The following NMT2 variants were observed in gnomAD, a reference collection of about 807,000 sequenced individuals.
NMT2 encodes glycylpeptide N-tetradecanoyltransferase 2.
In NMT2, 35 loss-of-function variants were observed where a neutral mutation model predicts 65.4. The observed-to-expected ratio is 0.54, with a 90% CI of 0.41 to 0.71. The LOEUF (loss-of-function observed/expected upper bound fraction) is 0.71. NMT2 is among the 30% of genes least tolerant of loss of function. NMT2 has a pLI of 0.00. For missense variants in NMT2, 489 were observed against 611.3 expected (o/e 0.80, Z 2.11); for synonymous variants, 226 against 231.8 (o/e 0.98, Z 0.23).
rs2400118 is a variant in NMT2, at chr10:15,106,149, A to G, written c.*3046T>C. ...GCTGGGATTACAGGTGCACACCCCC[A>G]TGTCCGGCTAGTTTTTGTAATTTTA... On this transcript the variant is annotated 3_prime_UTR_variant, in exon 12 of 12. Transcript: ENST00000378165. 85,245 of 246,718 alleles carry G rather than the reference A, an allele frequency of 0.35. 19,802 individuals are homozygous for G. Among genetic ancestry groups the G allele is most frequent in the African/African-American group, 0.78 (32,654 of 42,082 alleles). 15.3% of individuals were successfully genotyped at this position (246,718 alleles called of 1,614,324 possible).
chr10:15,148,292 T>C (rs978809158), intron 1 of NMT2, among the ~76,000 whole-genome samples: 19 of 152,186 alleles, frequency 1.2e-4, no homozygotes, highest in Non-Finnish European at 2.6e-4. Flanking sequence ...GGAGGGCTGC[T>C]TGAGTCCAGG....
chr10:15,153,816 A>AT (rs368089996), intron 1 of NMT2, among the ~76,000 whole-genome samples: 7,263 of 148,618 alleles, frequency 0.049, 267 homozygotes, highest in Non-Finnish European at 0.057. Context: ...CGCCCGGCTA[A>AT]TTTTTTTTTT....
At chr10:15,147,095 C>CAAAAAAAAAAAAAAAAAAAA (rs34668178) in intron 1 of NMT2, among the ~76,000 whole-genome samples, 5 of 44,516 alleles carry the variant, frequency 1.1e-4, no homozygotes, top group African/African-American at 2.2e-4. Flanking sequence ...CTCTCGCTCT[C>CAAAAAAAAAAAAAAAAAAAA]AAAAAAAAAA....
At chr10:15,130,120 G>A in intron 7 of NMT2, 22 bp downstream of exon 7, 1 of 1,434,584 alleles carries the variant, frequency 7.0e-7, no homozygotes, top group Non-Finnish European at 9.2e-7. Flanking sequence ...GAGGACCTGA[G>A]GTAGAAATAT....
chr10:15,130,372 C>A (rs1846236640), intron 6 of NMT2, 60 bp from the exon 7 acceptor site: 2 of 1,249,794 alleles, frequency 1.6e-6, no homozygotes, highest in Admixed American at 2.6e-5. Context: ...GAAGAGTCAA[C>A]ACATTTTAAA....
At chr10:15,135,228 C>T (rs1564574073) in intron 3 of NMT2, 46 bp downstream of exon 3, 1 of 1,583,482 alleles carries the variant, frequency 6.3e-7, no homozygotes, top group Non-Finnish European at 8.7e-7. Context: ...TGTTGTTCAT[C>T]CAGCTTTGTT....
Position 15,156,439 on chromosome 10 carries a change from C to A in NMT2, c.110+12064G>T, listed in dbSNP as rs965413224. Among the ~76,000 whole-genome samples the A allele has an allele frequency of 7.9e-5, 12 of 152,256 alleles. No homozygotes were observed. The South Asian group carries it at 1.0e-3, about 13-fold the overall frequency. ...ATTAAACCTCTTCCTTTAAAAATTA[C>A]CCGGTCTAACGTACATCCTTATAGC... On this transcript the variant is annotated intron_variant, in intron 1 of 11. Coordinates refer to ENST00000378165, the MANE Select transcript of NMT2 (RefSeq NM_004808.3).
intron 1 of NMT2, among the ~76,000 whole-genome samples, chr10:15,163,013 T>A (rs1833254364): frequency 2.6e-5 from 4 of 152,000 alleles, no homozygotes; most frequent in African/African-American, 4.8e-5. Context: ...CTCTCTGGGC[T>A]GAAGCAATTC....
intron 8 of NMT2, among the ~76,000 whole-genome samples, chr10:15,125,406 C>G (rs969635175): frequency 6.6e-5 from 10 of 152,120 alleles, no homozygotes; most frequent in Admixed American, 6.6e-4. Flanking sequence ...TGAATGGAGT[C>G]AAGTCAAAAA....
intron 10 of NMT2, among the ~76,000 whole-genome samples, chr10:15,111,509 C>CAAAAAAAAAAAAAAAAA (rs58537120): frequency 5.7e-5 from 3 of 52,808 alleles, no homozygotes; most frequent in Admixed American, 2.2e-4. Flanking sequence ...AGACTCATCT[C>CAAAAAAAAAAAAAAAAA]AAAAAAAAAA....
chr10:15,154,881 A>G (rs1232813457), intron 1 of NMT2: 2 of 833,084 alleles, frequency 2.4e-6, no homozygotes, highest in African/African-American at 1.7e-5. Flanking sequence ...GGCCTCCACA[A>G]TCTTGATGCC....
At position 15,141,477 on chromosome 10, in the gene NMT2, G is replaced by T. The variant is rs144521863; in HGVS notation, c.191C>A (p.Thr64Asn). 1 of 1,614,222 alleles carries T rather than the reference G, an allele frequency of 6.2e-7. No homozygotes were observed. The highest frequency in any genetic ancestry group is 8.5e-7 in the Non-Finnish European group (1 of 1,180,048). The change falls in exon 2 of 12, where the codon ACC becomes AAC. Residue 64 changes from threonine (T) to asparagine (N), a missense_variant. Thr to Asn is a moderately conservative substitution (Grantham distance 65). Transcript: ENST00000378165. ...GGAATCAGATGCCGAGTCTGACTTG[G>T]TGCCTCCGGAATTTGGTTTCTCCTT... ...RKKEKPNSGG[T>N]KSDSASDSQE...
At chr10:15,133,751 T>A (rs1564573045) in intron 3 of NMT2, among the ~76,000 whole-genome samples, 1 of 152,052 alleles carries the variant, frequency 6.6e-6, no homozygotes, top group Non-Finnish European at 1.5e-5. Context: ...AGTGCCCGGC[T>A]AATTGTAAAT....
At chr10:15,162,106 G>A (rs1010988492) in intron 1 of NMT2, among the ~76,000 whole-genome samples, 1 of 152,050 alleles carries the variant, frequency 6.6e-6, no homozygotes, top group African/African-American at 2.4e-5. Context: ...ACAAAAATTA[G>A]CCAGGTGTGG....
chr10:15,144,907 C>T (rs979367317), intron 1 of NMT2, among the ~76,000 whole-genome samples: 1 of 152,074 alleles, frequency 6.6e-6, no homozygotes, highest in Admixed American at 6.6e-5. Context: ...AGTACATAAC[C>T]AAGAGAAATG....
At chr10:15,131,160 C>T (rs1299179355) in intron 6 of NMT2, among the ~76,000 whole-genome samples, 2 of 152,090 alleles carry the variant, frequency 1.3e-5, no homozygotes, top group Non-Finnish European at 2.9e-5. Context: ...CAAATTCAGA[C>T]GGAAACACTA....
chr10:15,166,117 C>A (rs970019625), intron 1 of NMT2, among the ~76,000 whole-genome samples: 13 of 152,178 alleles, frequency 8.5e-5, no homozygotes, highest in Middle Eastern at 6.8e-3. Flanking sequence ...CATTTTGGTG[C>A]AAAACAAGAC....
intron 2 of NMT2, among the ~76,000 whole-genome samples, chr10:15,135,901 G>T (rs1228007448): frequency 6.6e-6 from 1 of 151,606 alleles, no homozygotes; most frequent in African/African-American, 2.4e-5. Context: ...AAGAGAGAGA[G>T]AGAAAACAAA....
chr10:15,143,743 G>A (rs1846857770), intron 1 of NMT2, among the ~76,000 whole-genome samples: 1 of 152,044 alleles, frequency 6.6e-6, no homozygotes, highest in Non-Finnish European at 1.5e-5. Flanking sequence ...CACCTGTGGT[G>A]CCAGCTACTT....
Sources: allele counts gnomAD v4.1 joint callset (sites outside exome capture counted in the v4.1 genomes callset), GRCh38; gene constraint gnomAD v4.1.1; transcripts MANE v1.5; gene names NCBI Gene and HGNC (gene_info 2026-07-23, HGNC 2026-07-21).